Variants in STK3 observed in about 807,000 individuals in gnomAD.
STK3 encodes the protein serine/threonine-protein kinase 3.
A neutral mutation model predicts 58.0 loss-of-function variants in STK3; 41 were observed. That is an observed-to-expected ratio of 0.71 (90% CI 0.55 to 0.92). The LOEUF (loss-of-function observed/expected upper bound fraction) is 0.92, where lower values mean the gene tolerates loss of function less well. STK3 is among the 40% of genes least tolerant of loss of function. The pLI is 0.00. For synonymous variants in STK3, 170 were observed against 191.0 expected (o/e 0.89, Z 0.91); for missense variants, 479 against 602.7 (o/e 0.79, Z 2.15).
chr8:98,846,121 G>T (rs1270414196), intron 3 of STK3, among the ~76,000 whole-genome samples: 1 of 152,202 alleles, frequency 6.6e-6, no homozygotes, highest in East Asian at 1.9e-4. Flanking sequence ...ATCTCATTCA[G>T]ATGCATCTAT....
chr8:98,346,792 A>G, the STK3 span, among the ~76,000 whole-genome samples: 1 of 151,892 alleles, frequency 6.6e-6, no homozygotes, highest in Non-Finnish European at 1.5e-5. Flanking sequence ...CTACACTGTA[A>G]GAAATGTTAT....
intron 4 of STK3, among the ~76,000 whole-genome samples, chr8:98,739,719 C>T (rs1459608464): frequency 6.7e-6 from 1 of 149,080 alleles, no homozygotes; most frequent in Non-Finnish European, 1.5e-5. Flanking sequence ...CAGCTCCTCA[C>T]CAGCAACGGA....
At chr8:98,400,661 T>G (rs1240536535), downstream of STK3, among the ~76,000 whole-genome samples, 1 of 152,236 alleles carries the variant, frequency 6.6e-6, no homozygotes, top group Non-Finnish European at 1.5e-5. Flanking sequence ...ATGATGATTT[T>G]CACAGCCAAT....
chr8:98,428,466 G>A lies in STK3; in HGVS notation n.483+5661C>T, dbSNP rs145156738. 14 of 1,613,986 alleles carry A rather than the reference G, an allele frequency of 8.7e-6. No homozygotes were observed. The African/African-American group carries it at 9.3e-5, about 11-fold the overall frequency. On this transcript the variant is annotated intron_variant and non_coding_transcript_variant, in intron 3 of 3. Transcript: ENST00000517832. This position sits in a 1 kb window ranked among gnomAD's most constrained non-coding sequence, Gnocchi z 6.7. ...CTACAACGACGCCTCCAAGTTCGAT[G>A]GGCAGCCCCTCGGCAACTTCCGCAG...
intron 2 of STK3, among the ~76,000 whole-genome samples, chr8:98,435,717 G>T (rs1463262911): frequency 2.0e-5 from 3 of 152,074 alleles, no homozygotes; most frequent in Non-Finnish European, 4.4e-5. Flanking sequence ...GTGCCACCTG[G>T]AGAGACAGGG....
chr8:98,508,931 T>C (rs1256415485), intron 10 of STK3, among the ~76,000 whole-genome samples: 1 of 152,106 alleles, frequency 6.6e-6, no homozygotes, highest in Non-Finnish European at 1.5e-5. Context: ...ACTAATGATG[T>C]ATTCTTACAT....
At chr8:98,869,526 G>A (rs1008018951) in intron 3 of STK3, among the ~76,000 whole-genome samples, 1 of 152,122 alleles carries the variant, frequency 6.6e-6, no homozygotes, top group Non-Finnish European at 1.5e-5. Flanking sequence ...TATAGAGAAT[G>A]GCAGAAGGAG....
chr8:98,355,863 T>C, the STK3 span, among the ~76,000 whole-genome samples: 1 of 152,236 alleles, frequency 6.6e-6, no homozygotes, highest in East Asian at 1.9e-4. Context: ...GATGGCGCTA[T>C]GTAACCAGTT....
rs537366322 is a variant in STK3, at chr8:98,847,729, T to A, written c.110+35918A>T. Among the ~76,000 whole-genome samples the A allele has an allele frequency of 5.9e-5, 9 of 152,222 alleles. No homozygotes were observed. The South Asian group carries it at 1.9e-3, about 32-fold the overall frequency. On this transcript the variant is annotated intron_variant, in intron 3 of 12. Transcript: ENST00000523601. ...TTTTAAAAAAAAGGTTTTTTTTTGT[T>A]TGTTTGTTTTTACTTTTAAAAATAT... is the stretch of plus-strand genomic sequence containing the variant.
chr8:98,419,436 G>A (rs1818147748), intron 3 of STK3, among the ~76,000 whole-genome samples: 1 of 152,138 alleles, frequency 6.6e-6, no homozygotes, highest in Admixed American at 6.6e-5. Flanking sequence ...AGCTTCAGTG[G>A]GAACGTGGAA....
At chr8:98,739,034 G>C (rs557303226) in intron 4 of STK3, among the ~76,000 whole-genome samples, 9 of 152,356 alleles carry the variant, frequency 5.9e-5, no homozygotes, top group African/African-American at 2.2e-4. Context: ...CGGCGAGGCT[G>C]GGGGAGGGGC....
At chr8:98,413,262 GCCT>G in intron 3 of STK3, 4 of 372,458 alleles carry the variant, frequency 1.1e-5, no homozygotes, top group South Asian at 4.4e-5. Context: ...TGATCCACCT[GCCT>G]TGGCTTCCCA....
chr8:98,747,415 G>C (rs1466335652), intron 4 of STK3, among the ~76,000 whole-genome samples: 4 of 152,106 alleles, frequency 2.6e-5, no homozygotes, highest in Admixed American at 1.3e-4. Flanking sequence ...AATTACTAGA[G>C]TGAGTTTTAC....
chr8:98,819,072 C>T (rs1342343427), intron 1 of STK3, among the ~76,000 whole-genome samples: 1 of 152,152 alleles, frequency 6.6e-6, no homozygotes, highest in African/African-American at 2.4e-5. Flanking sequence ...ATCTGCCCAC[C>T]TCAGCCTCCC....
intron 3 of STK3, among the ~76,000 whole-genome samples, chr8:98,411,381 A>G (rs1818055478): frequency 6.6e-6 from 1 of 152,256 alleles, no homozygotes; most frequent in Admixed American, 6.5e-5. Context: ...ACATATTCAC[A>G]GGAAAACATC....
chr8:98,855,574 G>A (rs1836636495), intron 3 of STK3, among the ~76,000 whole-genome samples: 1 of 151,956 alleles, frequency 6.6e-6, no homozygotes, highest in African/African-American at 2.4e-5. Flanking sequence ...AAAATATAGG[G>A]GTATATTTTC....
intron 4 of STK3, among the ~76,000 whole-genome samples, chr8:98,741,336 T>C (rs1217010348): frequency 3.9e-5 from 6 of 152,128 alleles, no homozygotes; most frequent in African/African-American, 1.2e-4. Flanking sequence ...ATTGACCACA[T>C]AGTTGGAAGT....
chr8:98,600,687 A>T (rs1816260482), intron 6 of STK3, among the ~76,000 whole-genome samples: 1 of 152,256 alleles, frequency 6.6e-6, no homozygotes, highest in Non-Finnish European at 1.5e-5. Flanking sequence ...GTAACAAAGA[A>T]GATTATAGTT....
intron 3 of STK3, among the ~76,000 whole-genome samples, chr8:98,753,236 G>A (rs1587519077): frequency 6.6e-6 from 1 of 152,178 alleles, no homozygotes; most frequent in Admixed American, 6.5e-5. Flanking sequence ...GCCCATCAAT[G>A]ATAGACTGGA....
Sources: gnomAD v4.1 joint callset for allele counts (sites outside exome capture counted in the v4.1 genomes callset) on GRCh38, gnomAD v4.1.1 for gene constraint, Gnocchi (gnomAD v3.1) non-coding constraint, MANE v1.5 for transcripts, NCBI Gene and HGNC (gene_info 2026-07-23, HGNC 2026-07-21) for gene names.